COMMD10: variants seen among roughly 807,000 people sequenced by gnomAD.
The protein encoded by COMMD10 is COMM domain containing 10, also known as COMM domain-containing protein 10.
Under a neutral mutation model 28.9 loss-of-function variants are expected in COMMD10, and 33 were observed. The ratio of observed to expected loss-of-function variants is 1.14; its 90% confidence interval spans 0.87 to 1.53. The LOEUF is 1.53. Ranked by LOEUF, COMMD10 falls within the 40% of genes most tolerant of loss-of-function variation. The pLI is 0.00. For synonymous variants in COMMD10, 110 were observed against 81.7 expected, an observed-to-expected ratio of 1.35 and a Z score of -1.87; for missense variants, 310 against 233.4, an observed-to-expected ratio of 1.33 and a Z score of -2.14.
intron 5 of COMMD10, among the ~76,000 whole-genome samples, chr5:116,226,316 G>A (rs2112649621): frequency 6.6e-6 from 1 of 151,592 alleles, no homozygotes. Flanking sequence ...TTAAAACAAG[G>A]GCTTCTAAAC....
chr5:116,196,287 G>A (rs1748517808), intron 5 of COMMD10, among the ~76,000 whole-genome samples: 1 of 152,074 alleles, frequency 6.6e-6, no homozygotes, highest in Admixed American at 6.6e-5. Flanking sequence ...TTTTGTGGGA[G>A]CTAAGCTATG....
intron 4 of COMMD10, among the ~76,000 whole-genome samples, chr5:116,095,987 T>A (rs1750455040): frequency 6.6e-6 from 1 of 152,158 alleles, no homozygotes; most frequent in Non-Finnish European, 1.5e-5. Context: ...TATGCCAATA[T>A]CACACTGCCT....
At chr5:116,264,567 A>C (rs1175115362) in intron 5 of COMMD10, among the ~76,000 whole-genome samples, 2 of 151,890 alleles carry the variant, frequency 1.3e-5, no homozygotes, top group African/African-American at 2.4e-5. Flanking sequence ...CGTAAAGGTC[A>C]AGTCAAGGCT....
chr5:116,288,784 T>C (rs1751285709), intron 5 of COMMD10, among the ~76,000 whole-genome samples: 1 of 151,640 alleles, frequency 6.6e-6, no homozygotes, highest in Non-Finnish European at 1.5e-5. Context: ...TGTTTGGTTC[T>C]TTTTTATAGT....
At chr5:116,112,827 G>A (rs933092507) in intron 4 of COMMD10, among the ~76,000 whole-genome samples, 5 of 151,514 alleles carry the variant, frequency 3.3e-5, no homozygotes, top group Non-Finnish European at 7.4e-5. Context: ...TAAACTTTTG[G>A]GTTTTTTGTC....
At chr5:116,199,796 T>A (rs1249625585) in intron 5 of COMMD10, among the ~76,000 whole-genome samples, 1 of 152,162 alleles carries the variant, frequency 6.6e-6, no homozygotes, top group Non-Finnish European at 1.5e-5. Flanking sequence ...TCTCGCTATG[T>A]TGCCCAGGTT....
intron 5 of COMMD10, among the ~76,000 whole-genome samples, chr5:116,161,304 G>C (rs193052752): frequency 1.7e-3 from 252 of 152,260 alleles, no homozygotes; most frequent in African/African-American, 5.7e-3. Context: ...TGTGAGAATT[G>C]ACTAAGATAA....
intron 5 of COMMD10, among the ~76,000 whole-genome samples, chr5:116,191,881 G>T (rs916759890): frequency 6.6e-6 from 1 of 151,928 alleles, no homozygotes; most frequent in African/African-American, 2.4e-5. Context: ...AACCCTCATG[G>T]AGTCCGTTGC....
intron 5 of COMMD10, among the ~76,000 whole-genome samples, chr5:116,145,148 G>A (rs1285058329): frequency 6.6e-6 from 1 of 151,744 alleles, no homozygotes; most frequent in Admixed American, 6.6e-5. Flanking sequence ...AGAATGGGGC[G>A]GTTCTAGTAG....
chr5:116,282,985 G>C (rs1034334372), intron 5 of COMMD10, among the ~76,000 whole-genome samples: 3 of 151,950 alleles, frequency 2.0e-5, no homozygotes, highest in African/African-American at 7.3e-5. Context: ...GGTGGGTTTT[G>C]TGGGAACTAA....
At chr5:116,210,219 A>G (rs1748923502) in intron 5 of COMMD10, among the ~76,000 whole-genome samples, 2 of 152,146 alleles carry the variant, frequency 1.3e-5, no homozygotes, top group Admixed American at 1.3e-4. Flanking sequence ...TACATTTGCA[A>G]TGGCAATTAA....
rs1751421453 is a variant in COMMD10 at position 116,293,266 on chromosome 5, A to G, written c.*777A>G. On this transcript the variant is annotated 3_prime_UTR_variant, in exon 7 of 7. Coordinates refer to ENST00000274458, the MANE Select transcript of COMMD10 (RefSeq NM_016144.4). Reference sequence around the variant, plus strand: ...TCCATAAATACGTTGATTTCTGTCAATAAAATTTTTGTGTCTTAGGATTGG... The same window carrying G: ...TCCATAAATACGTTGATTTCTGTCAGTAAAATTTTTGTGTCTTAGGATTGG... The G allele has an allele frequency of 5.8e-6, 2 of 347,102 alleles. No individual in the cohort carries two copies. The highest frequency in any genetic ancestry group is 1.0e-5 in the Non-Finnish European group (2 of 194,280). The allele number at this position is 347,102 out of a possible 1,614,324, so 21.5% of individuals were successfully genotyped here.
rs574713175 is a variant in COMMD10, at chr5:116,217,206, T to C, written c.511-74311T>C. Among the ~76,000 whole-genome samples the C allele has an allele frequency of 2.6e-3, 389 of 151,816 alleles. 1 individual carries two copies. Among genetic ancestry groups the C allele is most frequent in the Non-Finnish European group, 4.4e-3 (300 of 67,892 alleles). ...CAAATCAACCACTCTTTTTTTTTTT[T>C]CCAAGCCAAACTGTATCCAGCTTTA... On this transcript the variant is annotated intron_variant, in intron 5 of 6. Transcript: ENST00000274458.
At chr5:116,131,763 G>C (rs1315756787) in intron 4 of COMMD10, among the ~76,000 whole-genome samples, 1 of 151,914 alleles carries the variant, frequency 6.6e-6, no homozygotes, top group Non-Finnish European at 1.5e-5. Context: ...AATGTTAATA[G>C]AGAAAGATGC....
intron 4 of COMMD10, among the ~76,000 whole-genome samples, chr5:116,105,622 GC>G (rs765734434): frequency 2.0e-5 from 3 of 152,134 alleles, no homozygotes; most frequent in Non-Finnish European, 4.4e-5. Flanking sequence ...ATTAACTACT[GC>G]CTCAGTTTCA....
chr5:116,242,787 C>A (rs1749845626), intron 5 of COMMD10, among the ~76,000 whole-genome samples: 1 of 152,128 alleles, frequency 6.6e-6, no homozygotes, highest in Admixed American at 6.6e-5. Flanking sequence ...AATGCCTGAT[C>A]TCACAGTATT....
At chr5:116,241,145 G>A (rs957685494) in intron 5 of COMMD10, among the ~76,000 whole-genome samples, 1 of 152,110 alleles carries the variant, frequency 6.6e-6, no homozygotes, top group Non-Finnish European at 1.5e-5. Flanking sequence ...TCAGAAAAAA[G>A]ACATAAGCCA....
At chr5:116,148,770 T>A (rs1330385044) in intron 5 of COMMD10, among the ~76,000 whole-genome samples, 3 of 151,804 alleles carry the variant, frequency 2.0e-5, no homozygotes, top group Non-Finnish European at 4.4e-5. Flanking sequence ...GTCAAGAAAT[T>A]GAAAGGACAA....
chr5:116,218,036 C>CCAG (rs1749150623), intron 5 of COMMD10: 2 of 1,095,394 alleles, frequency 1.8e-6, no homozygotes, highest in African/African-American at 3.1e-5. Flanking sequence ...CTTGGCACCT[C>CCAG]CAGCACCTTC....
Sources: gnomAD v4.1 joint callset for allele counts (sites outside exome capture counted in the v4.1 genomes callset) on GRCh38, gnomAD v4.1.1 for gene constraint, MANE v1.5 for transcripts, NCBI Gene and HGNC (gene_info 2026-07-23, HGNC 2026-07-21) for gene names.